Variants in PWP1 observed in about 807,000 individuals in gnomAD.
PWP1 encodes the protein periodic tryptophan protein 1 homolog.
PWP1 carries 47 observed loss-of-function variants against 69.9 expected under a neutral mutation model. The ratio of observed to expected loss-of-function variants is 0.67; its 90% CI spans 0.53 to 0.86. The LOEUF is 0.86. Among genes scored for constraint, PWP1 ranks in the 40% least tolerant of loss-of-function variants. The pLI is 0.00. For synonymous variants in PWP1, 222 were observed against 208.2 expected (o/e 1.07, Z -0.57); for missense variants, 551 against 608.8 (o/e 0.91, Z 1.00).
rs538018610 is a variant in PWP1 at position 107,697,697 on chromosome 12, C to T, written c.744+100C>T. ...CCGTACACTTTTTCAATCAGGTATT[C>T]TTGGTGAGATGGGGTAGGTAGTTAT... is the stretch of plus-strand genomic sequence containing the variant. On this transcript the variant is annotated intron_variant, in intron 7 of 14. Coordinates refer to ENST00000412830, the MANE Select transcript of PWP1 (RefSeq NM_007062.3). 5.3e-5 allele frequency: 64 copies of T among 1,197,940 alleles called. No homozygotes were observed. In the African/African-American group the frequency reaches 9.5e-4, roughly 18 times the overall value. 74.2% of individuals were successfully genotyped at this position (1,197,940 alleles called of 1,614,324 possible).
At chr12:107,708,628 T>C (rs918757622) in intron 11 of PWP1, among the ~76,000 whole-genome samples, 6 of 152,186 alleles carry the variant, frequency 3.9e-5, no homozygotes, top group Non-Finnish European at 8.8e-5. Flanking sequence ...TGAGTAGCCA[T>C]GCTCACCAGG....
chr12:107,700,849 A>G (rs1566080318), intron 8 of PWP1, among the ~76,000 whole-genome samples: 3 of 152,156 alleles, frequency 2.0e-5, no homozygotes, highest in Admixed American at 6.5e-5. Flanking sequence ...CATAATAGCC[A>G]TCCTAATGGG....
At position 107,685,811 on chromosome 12, in the gene PWP1, C is replaced by T. The variant is rs542472112; in HGVS notation, c.-89C>T. 3.1e-5 allele frequency: 45 copies of T among 1,432,016 alleles called. 1 individual carries two copies. In the Middle Eastern group the frequency reaches 1.2e-3, roughly 39 times the overall value. 88.7% of individuals were successfully genotyped at this position (1,432,016 alleles called of 1,614,324 possible). On this transcript the variant is annotated 5_prime_UTR_variant, in exon 1 of 15. Transcript: ENST00000412830. ...GCTCTGCCCTGGCAGCGGCCCTGTG[C>T]AGATCCCTGAGCGTGTGGCAGCAGT...
chr12:107,709,394 A>G (rs1889897277), intron 13 of PWP1, among the ~76,000 whole-genome samples, 162 bp downstream of exon 13: 1 of 152,032 alleles, frequency 6.6e-6, no homozygotes, highest in African/African-American at 2.4e-5. Flanking sequence ...GTGGGATTTT[A>G]TGACTTAGAA....
In PWP1 at chr12:107,702,410, A is replaced by T. The variant is rs527952226; in HGVS notation, c.807-525A>T. Among the ~76,000 whole-genome samples, 32 of 152,038 alleles carry T rather than the reference A, an allele frequency of 2.1e-4. 1 individual carries two copies. In the East Asian group the frequency reaches 6.0e-3, roughly 29 times the overall value. On this transcript the variant is annotated intron_variant, in intron 8 of 14. Transcript: ENST00000412830. ...ATTCTCGTGCCTCAGCCTCCTGAGTAACTGGGATTACAGGCATGCGCCACC... is the reference window on the plus strand; with the variant it reads ...ATTCTCGTGCCTCAGCCTCCTGAGTTACTGGGATTACAGGCATGCGCCACC...
Position 107,699,439 on chromosome 12 carries a change from AAAG to A in PWP1, c.806+8_806+10del, listed in dbSNP as rs780355843. ...TTCATGGAATAAGCTAATCAGGTAA[AAAG>A]AAATAACATTTGAATGATTGTAAAA... On this transcript the variant is annotated splice_donor_region_variant and intron_variant, in intron 8 of 14. Transcript: ENST00000412830. 11 of 1,608,280 alleles carry A rather than the reference AAAG, an allele frequency of 6.8e-6. No individual in the cohort carries two copies. The highest frequency in any genetic ancestry group is 2.7e-5 in the African/African-American group (2 of 74,908).
At chr12:107,701,137 T>G (rs1429517421) in intron 8 of PWP1, among the ~76,000 whole-genome samples, 2 of 152,064 alleles carry the variant, frequency 1.3e-5, no homozygotes, top group African/African-American at 4.8e-5. Flanking sequence ...CTTTGCTTAC[T>G]TTTTTTTGAG....
At position 107,710,516 on chromosome 12, in the gene PWP1, G is replaced by A. The variant is rs1380803848; in HGVS notation, c.1396+6G>A. 2.0e-6 allele frequency: 3 copies of A among 1,468,700 alleles called. No homozygotes were observed. The highest frequency in any genetic ancestry group is 1.8e-6 in the Non-Finnish European group (2 of 1,086,342). 91.0% of individuals were successfully genotyped at this position (1,468,700 alleles called of 1,614,324 possible). ...TATAAGCACAGTCTCTTCAGGTAAG[G>A]ATTTTTAGTTCTCTGCACACCTCCC... On this transcript the variant is annotated splice_donor_region_variant and intron_variant, in intron 14 of 14. Coordinates refer to ENST00000412830, the MANE Select transcript of PWP1 (RefSeq NM_007062.3).
At chr12:107,707,524 G>A (rs1889846946) in intron 11 of PWP1, among the ~76,000 whole-genome samples, 1 of 152,192 alleles carries the variant, frequency 6.6e-6, no homozygotes, top group South Asian at 2.1e-4. Context: ...TATGATATTG[G>A]CTGTGGGTTT....
chr12:107,691,124 T>C (rs954940722), intron 3 of PWP1, among the ~76,000 whole-genome samples: 2 of 152,238 alleles, frequency 1.3e-5, no homozygotes, highest in Non-Finnish European at 2.9e-5. Flanking sequence ...GAGGCAGAAC[T>C]GAGCCAAGTA....
chr12:107,688,010 A>C (rs867409232), intron 1 of PWP1, among the ~76,000 whole-genome samples: 9 of 141,706 alleles, frequency 6.4e-5, no homozygotes, highest in Admixed American at 2.2e-4. Flanking sequence ...CAGCCTGGGC[A>C]ACAGAGCGAG....
chr12:107,686,021 G>T, intron 1 of PWP1, 50 bp downstream of exon 1: 3 of 1,591,822 alleles, frequency 1.9e-6, no homozygotes, highest in Non-Finnish European at 2.6e-6. Flanking sequence ...TTACGGCACT[G>T]GGGGTCCGCC....
rs7307356 is a variant in PWP1, at chr12:107,688,263, G to A, written c.73-185G>A. ...ATTTTTGAAGTTTCAGGTAGCGAGA[G>A]ATCTTATTTGTAAGAATCTATAAAA... On this transcript the variant is annotated intron_variant, in intron 1 of 14. Transcript: ENST00000412830. 9.8e-3 allele frequency among the ~76,000 whole-genome samples: 1,474 copies of A among 150,292 alleles called. 26 individuals are homozygous for A. The highest frequency in any genetic ancestry group is 0.034 in the African/African-American group (1,411 of 41,468).
intron 8 of PWP1, 50 bp from the exon 9 acceptor site, chr12:107,702,885 A>G (rs1448856212): frequency 7.9e-6 from 9 of 1,140,170 alleles, no homozygotes; most frequent in African/African-American, 1.5e-5. Flanking sequence ...CTCATATTTA[A>G]TGCTCTTGAC....
In PWP1 at chr12:107,685,829, G is replaced by A; in HGVS notation, c.-71G>A. 1 of 1,527,306 alleles carries A rather than the reference G, an allele frequency of 6.5e-7. No homozygotes were observed. The allele number at this position is 1,527,306 out of a possible 1,614,324, so 94.6% of individuals were successfully genotyped here. On this transcript the variant is annotated 5_prime_UTR_variant, in exon 1 of 15. Coordinates refer to ENST00000412830, the MANE Select transcript of PWP1 (RefSeq NM_007062.3). ...CCCTGTGCAGATCCCTGAGCGTGTG[G>A]CAGCAGTGCGGTCGTGGTCCCTCCC...
In PWP1 at chr12:107,712,685, A is replaced by ATGAT. The variant is rs1889981589; in HGVS notation, c.*469_*472dup. ...CCTAACTGTTCTCAAATTAATGCTC[A>ATGAT]TGATTGAGTATTCTCAGTGCAACTC... On this transcript the variant is annotated 3_prime_UTR_variant, in exon 15 of 15. Coordinates refer to ENST00000412830, the MANE Select transcript of PWP1 (RefSeq NM_007062.3). The ATGAT allele has an allele frequency of 6.5e-6, 1 of 153,228 alleles. No homozygotes were observed. The highest frequency in any genetic ancestry group is 1.5e-5 in the Non-Finnish European group (1 of 68,806). The allele number at this position is 153,228 out of a possible 1,614,324, so 9.5% of individuals were successfully genotyped here. A position where few individuals can be genotyped will look rare whatever the true frequency, so the allele number is the denominator to read the frequency against.
intron 11 of PWP1, among the ~76,000 whole-genome samples, chr12:107,706,332 T>C (rs1405033784): frequency 1.3e-5 from 2 of 152,276 alleles, no homozygotes; most frequent in East Asian, 1.9e-4. Context: ...AATTTTCTCC[T>C]ATTCTGTAGG....
Position 107,704,629 on chromosome 12 carries a change from T to C in PWP1, c.966-7T>C, listed in dbSNP as rs781092307. The stretch of plus-strand genomic sequence containing the variant: ...TTAAAACCCTAACTTTGCCTGAATG[T>C]GTCTAGGTCAGTGGCTTTGTATGAC... On this transcript the variant is annotated splice_region_variant and splice_polypyrimidine_tract_variant and intron_variant, in intron 10 of 14. Coordinates refer to ENST00000412830, the MANE Select transcript of PWP1 (RefSeq NM_007062.3). 9.9e-6 allele frequency: 16 copies of C among 1,610,838 alleles called. No homozygotes were observed. The South Asian group carries it at 1.1e-4, about 11-fold the overall frequency.
At chr12:107,708,374 C>T (rs1462443967) in intron 11 of PWP1, among the ~76,000 whole-genome samples, 2 of 152,128 alleles carry the variant, frequency 1.3e-5, no homozygotes, top group Non-Finnish European at 2.9e-5. Context: ...TATACAGGCT[C>T]AGGTTTCTGT....
Sources: gnomAD v4.1 joint callset for allele counts (sites outside exome capture counted in the v4.1 genomes callset) on GRCh38, gnomAD v4.1.1 for gene constraint, MANE v1.5 for transcripts, NCBI Gene and HGNC (gene_info 2026-07-23, HGNC 2026-07-21) for gene names.